The following B3GNT3 variants were observed in gnomAD, a reference collection of about 807,000 sequenced individuals.
B3GNT3 encodes N-acetyllactosaminide beta-1,3-N-acetylglucosaminyltransferase 3.
B3GNT3 carries 7 observed loss-of-function variants against 11.6 expected under a neutral mutation model. The ratio of observed to expected loss-of-function variants is 0.60; its 90% confidence interval spans 0.34 to 1.13. The LOEUF (loss-of-function observed/expected upper bound fraction) is 1.13, where lower values mean the gene tolerates loss of function less well. B3GNT3 is among the 50% of genes most tolerant of loss of function. B3GNT3 has a pLI of 0.03. For synonymous variants in B3GNT3, 201 were observed against 222.1 expected, an observed-to-expected ratio of 0.90 and a Z score of 0.85; for missense variants, 400 against 507.4, an observed-to-expected ratio of 0.79 and a Z score of 2.03.
In B3GNT3 at chr19:17,812,259, T is replaced by G. The variant is rs2094182180; in HGVS notation, c.*137T>G. 1 of 991,726 alleles carries G rather than the reference T, an allele frequency of 1.0e-6. No individual in the cohort carries two copies. The highest frequency in any genetic ancestry group is 1.4e-6 in the Non-Finnish European group (1 of 695,818). 61.4% of individuals were successfully genotyped at this position (991,726 alleles called of 1,614,324 possible). On this transcript the variant is annotated 3_prime_UTR_variant, in exon 3 of 3. Transcript: ENST00000318683. The stretch of plus-strand genomic sequence containing the variant: ...AGGTTTGAGGTTTGATGAGTGAATA[T>G]TCTGGCTGGCGAACTCCTACACATC...
At chr19:17,799,220 C>T (rs1019363587) in intron 1 of B3GNT3, among the ~76,000 whole-genome samples, 2 of 150,802 alleles carry the variant, frequency 1.3e-5, no homozygotes, top group Non-Finnish European at 2.9e-5. Context: ...GGAGAAACAG[C>T]GGCCACAGCA....
intron 1 of B3GNT3, among the ~76,000 whole-genome samples, chr19:17,796,302 A>G (rs943372988): frequency 3.3e-5 from 5 of 152,182 alleles, no homozygotes; most frequent in African/African-American, 1.2e-4. Flanking sequence ...TATGTTGTCC[A>G]GGCTGGTCTC....
intron 1 of B3GNT3, 138 bp downstream of exon 1, chr19:17,795,344 C>T (rs1320968192): frequency 2.0e-5 from 3 of 152,162 alleles, no homozygotes; most frequent in Non-Finnish European, 4.4e-5. Flanking sequence ...TCGGGAGCCC[C>T]GAGTCTCGAG....
intron 1 of B3GNT3, among the ~76,000 whole-genome samples, chr19:17,806,170 T>C (rs894167513): frequency 6.8e-6 from 1 of 146,388 alleles, no homozygotes; most frequent in South Asian, 2.2e-4. Context: ...TTGTAGAGAG[T>C]GGGTTTCCCC....
intron 1 of B3GNT3, among the ~76,000 whole-genome samples, 153 bp downstream of exon 1, chr19:17,795,359 C>T (rs2094158279): frequency 6.6e-6 from 1 of 152,164 alleles, no homozygotes; most frequent in Admixed American, 6.5e-5. Context: ...CTCGAGAACC[C>T]GGTTGCCCTC....
At chr19:17,806,306 G>C (rs146552696) in intron 1 of B3GNT3, among the ~76,000 whole-genome samples, 1 of 151,830 alleles carries the variant, frequency 6.6e-6, no homozygotes, top group African/African-American at 2.4e-5. Context: ...TTGTAGAGAC[G>C]GGGTTTCACC....
At chr19:17,801,862 C>T (rs1014788090) in intron 1 of B3GNT3, among the ~76,000 whole-genome samples, 3 of 152,044 alleles carry the variant, frequency 2.0e-5, no homozygotes, top group Admixed American at 6.5e-5. Context: ...CTGAGGTGGG[C>T]GGATCACTTG....
At chr19:17,800,954 G>A (rs996259526) in intron 1 of B3GNT3, among the ~76,000 whole-genome samples, 2 of 151,760 alleles carry the variant, frequency 1.3e-5, no homozygotes, top group African/African-American at 4.8e-5. Flanking sequence ...CAGCCTGGGC[G>A]ACAGAGGCTC....
chr19:17,807,960 T>TCCCCGCCC lies in B3GNT3; in HGVS notation c.155_156insCCGCCCCC (p.Pro53ArgfsTer63). 1.2e-6 allele frequency: 2 copies of TCCCCGCCC among 1,609,542 alleles called. No homozygotes were observed. The highest frequency in any genetic ancestry group is 1.7e-6 in the Non-Finnish European group (2 of 1,178,126). On this transcript the variant is annotated frameshift_variant, in exon 2 of 3. Coordinates refer to ENST00000318683, the MANE Select transcript of B3GNT3 (RefSeq NM_014256.4). LOFTEE classifies it high-confidence loss of function. ...TCCCCGAGGCCCTGGCCTGGCCCAC[T>TCCCCGCCC]CCACCCACCCGCCCAGCCCCGGCCC...
At position 17,808,524 on chromosome 19, in the gene B3GNT3, A is replaced by T. The variant is rs895007631; in HGVS notation, c.567+150A>T. ...TGCTGTCCTCACCAGCCTCGTGGAGACCCAAAATGGTCTTCTTCTAGGAGA... is the reference window on the plus strand; with the variant it reads ...TGCTGTCCTCACCAGCCTCGTGGAGTCCCAAAATGGTCTTCTTCTAGGAGA... On this transcript the variant is annotated intron_variant, in intron 2 of 2. Coordinates refer to ENST00000318683, the MANE Select transcript of B3GNT3 (RefSeq NM_014256.4). The T allele has an allele frequency of 2.3e-4, 194 of 852,258 alleles. 1 individual carries two copies. In the South Asian group the frequency reaches 2.6e-3, roughly 11 times the overall value. 52.8% of individuals were successfully genotyped at this position (852,258 alleles called of 1,614,324 possible).
chr19:17,807,854 C>T lies in B3GNT3; in HGVS notation c.47C>T (p.Ala16Val), dbSNP rs371779566. ...HRRPNATLIL[A>V]IGAFTLLLFS... ...CGGCCCAATGCCACCCTCATTCTGG[C>T]CATCGGCGCTTTCACCCTCCTCCTC... The change falls in exon 2 of 3, where the codon GCC (alanine) becomes GTC (valine). Residue 16 changes from alanine (A) to valine (V), a missense_variant. Transcript: ENST00000318683. 8.1e-6 allele frequency: 13 copies of T among 1,613,172 alleles called. No individual in the cohort carries two copies. The African/African-American group carries it at 1.5e-4, about 18-fold the overall frequency.
chr19:17,810,141 G>A (rs1162376616), intron 2 of B3GNT3, among the ~76,000 whole-genome samples: 2 of 152,168 alleles, frequency 1.3e-5, no homozygotes, highest in Non-Finnish European at 2.9e-5. Flanking sequence ...TTACTGTAGG[G>A]GAAACTGAGG....
intron 1 of B3GNT3, among the ~76,000 whole-genome samples, chr19:17,796,726 T>A (rs1284481422): frequency 6.6e-6 from 1 of 152,102 alleles, no homozygotes; most frequent in Non-Finnish European, 1.5e-5. Context: ...TCCTGGCAGG[T>A]GCTCTGGGTG....
In B3GNT3 at chr19:17,811,986, G is replaced by A. The variant is rs36686; in HGVS notation, c.983G>A (p.Arg328His). 1,222,582 of 1,603,612 alleles carry A rather than the reference G, an allele frequency of 0.76. 468,645 individuals are homozygous for A. The highest frequency in any genetic ancestry group is 0.88 in the African/African-American group (66,093 of 75,042). The part of the protein sequence containing the change: ...RTSGVRAPSQ[R>H]LSSFDPCFYR... ...TCTGGCGTGCGGGCTCCATCGCAAC[G>A]CCTGTCCTCCTTTGACCCCTGCTTC... Residue 328 changes from arginine to histidine, a missense_variant, in exon 3 of 3, where the codon CGC becomes CAC. Arg to His is a conservative substitution (Grantham distance 29, BLOSUM62 0). Transcript: ENST00000318683. The surrounding 1 kb of genome is among the most constrained non-coding windows in gnomAD (Gnocchi z 4.1).
intron 1 of B3GNT3, among the ~76,000 whole-genome samples, chr19:17,799,372 G>A (rs1390557174): frequency 6.6e-6 from 1 of 150,422 alleles, no homozygotes; most frequent in Non-Finnish European, 1.5e-5. Flanking sequence ...GGGTTCAAGC[G>A]ATTCTCCTGC....
chr19:17,808,476 C>A (rs937476548), intron 2 of B3GNT3, 102 bp downstream of exon 2: 1 of 1,206,530 alleles, frequency 8.3e-7, no homozygotes, highest in Admixed American at 2.8e-5. Context: ...CTCGTCAGTC[C>A]ATCACAGCCC....
Position 17,808,877 on chromosome 19 carries a change from TTG to T in B3GNT3, c.567+504_567+505del, listed in dbSNP as rs2094177159. Among the ~76,000 whole-genome samples the T allele has an allele frequency of 6.6e-5, 10 of 152,158 alleles. 1 individual carries two copies. The highest frequency in any genetic ancestry group is 2.6e-4 in the Admixed American group (4 of 15,262). ...TTTTTTTTAATGGAGTCTTGCTCTG[TTG>T]CCCAGCCTGGAGTGCAGTGGTGCGA... On this transcript the variant is annotated intron_variant, in intron 2 of 2. Coordinates refer to ENST00000318683, the MANE Select transcript of B3GNT3 (RefSeq NM_014256.4).
upstream of B3GNT3, chr19:17,794,962 A>G (rs2094157686): frequency 6.6e-6 from 1 of 152,630 alleles, no homozygotes; most frequent in Admixed American, 6.6e-5. Flanking sequence ...GGAGAGGGGA[A>G]GAGGCATGGC....
chr19:17,808,610 G>T (rs561067167), intron 2 of B3GNT3, among the ~76,000 whole-genome samples: 1 of 152,292 alleles, frequency 6.6e-6, no homozygotes, highest in East Asian at 1.9e-4. Flanking sequence ...TGATGATGCG[G>T]ATTCGAATCC....
Sources: allele counts gnomAD v4.1 joint callset (sites outside exome capture counted in the v4.1 genomes callset), GRCh38; gene constraint gnomAD v4.1.1; non-coding constraint Gnocchi (gnomAD v3.1); transcripts MANE v1.5; gene names NCBI Gene and HGNC (gene_info 2026-07-23, HGNC 2026-07-21).